NAV1: variants seen among roughly 807,000 people sequenced by gnomAD.
NAV1 encodes the protein neuron navigator 1.
In NAV1, 18 loss-of-function variants were observed where a neutral mutation model predicts 175.2. The observed-to-expected ratio is 0.10, with a 90% CI of 0.07 to 0.15. NAV1 has a LOEUF of 0.15. Ranked by LOEUF, NAV1 falls within the 10% of genes least tolerant of loss-of-function variation. The pLI, the probability that NAV1 is intolerant of heterozygous loss-of-function variation, is 1.00. For missense variants in NAV1, 1,731 were observed against 2,436.6 expected, an observed-to-expected ratio of 0.71 and a Z score of 6.10; for synonymous variants, 897 against 978.7, an observed-to-expected ratio of 0.92 and a Z score of 1.56.
At chr1:201,665,482 A>C (rs954274013) in intron 1 of NAV1, among the ~76,000 whole-genome samples, 17 of 152,046 alleles carry the variant, frequency 1.1e-4, no homozygotes, top group Non-Finnish European at 1.9e-4. Flanking sequence ...AGCCACAAGC[A>C]CTAGCTCATG....
chr1:201,581,853 C>T (rs1449424705), intron 1 of NAV1, among the ~76,000 whole-genome samples: 1 of 151,804 alleles, frequency 6.6e-6, no homozygotes, highest in Non-Finnish European at 1.5e-5. Context: ...TAATAAAGCT[C>T]CCTGATAAGG....
At chr1:201,632,522 A>G (rs1489089690) in intron 2 of NAV1, among the ~76,000 whole-genome samples, 11 of 152,260 alleles carry the variant, frequency 7.2e-5, no homozygotes, top group Non-Finnish European at 1.5e-5. Flanking sequence ...TGGACAGCCA[A>G]GAGAAGCCAA....
chr1:201,622,659 A>C (rs911693382), upstream of NAV1, among the ~76,000 whole-genome samples: 1 of 152,110 alleles, frequency 6.6e-6, no homozygotes, highest in Non-Finnish European at 1.5e-5. Context: ...AGCTTTTCAG[A>C]GCAGAGAGGG....
chr1:201,823,380 G>GTC (rs1679498428), exon 30 of NAV1: 1 of 152,622 alleles, frequency 6.6e-6, no homozygotes, highest in Admixed American at 6.5e-5. Context: ...GTGTGTGTGT[G>GTC]TGTGTGTGTG....
At chr1:201,804,193 A>G (rs1236710983) in intron 16 of NAV1, 10 of 525,328 alleles carry the variant, frequency 1.9e-5, no homozygotes, top group Admixed American at 6.9e-5. Flanking sequence ...TGGTAGGTCC[A>G]GAAGTCATTT....
chr1:201,755,921 A>T (rs1164828277), intron 3 of NAV1, among the ~76,000 whole-genome samples: 3 of 152,102 alleles, frequency 2.0e-5, no homozygotes, highest in Admixed American at 6.5e-5. Context: ...CCTGGCCAAC[A>T]TGGTGAAACC....
intron 1 of NAV1, among the ~76,000 whole-genome samples, chr1:201,579,362 T>A (rs1558005107): frequency 1.3e-5 from 2 of 152,228 alleles, no homozygotes; most frequent in Admixed American, 6.5e-5. Context: ...TCATCCACCC[T>A]TTTTTTATTT....
chr1:201,779,581 A>G (rs1306559744), intron 3 of NAV1, among the ~76,000 whole-genome samples: 4 of 139,634 alleles, frequency 2.9e-5, no homozygotes, highest in Admixed American at 7.7e-5. Flanking sequence ...CTGGGGCAAC[A>G]GAGCAGGACT....
intron 2 of NAV1, among the ~76,000 whole-genome samples, chr1:201,632,185 C>T (rs867129264): frequency 5.6e-4 from 85 of 152,326 alleles, no homozygotes; most frequent in African/African-American, 1.9e-3. Context: ...CTTTCTTAAT[C>T]TGCTTGGACT....
chr1:201,781,400 C>A, intron 5 of NAV1, 91 bp downstream of exon 9: 1 of 1,263,920 alleles, frequency 7.9e-7, no homozygotes. Context: ...AGGATGATAG[C>A]AAACATTTGC....
At chr1:201,648,586 T>G in exon 1 of NAV1, 3 of 1,062,852 alleles carry the variant, frequency 2.8e-6, no homozygotes, top group East Asian at 3.4e-5. Context: ...CTCCCCCGCC[T>G]CCTCCTCCTG....
chr1:201,570,664 C>G (rs939846137), intron 1 of NAV1, among the ~76,000 whole-genome samples: 2 of 152,230 alleles, frequency 1.3e-5, no homozygotes, highest in Non-Finnish European at 2.9e-5. Flanking sequence ...AGGGCTACGA[C>G]CAGGGCCAGG....
chr1:201,682,228 G>A (rs1190980227), intron 1 of NAV1, among the ~76,000 whole-genome samples: 1 of 152,004 alleles, frequency 6.6e-6, no homozygotes. Flanking sequence ...GGAGGTTGCA[G>A]TGAGCTGAGA....
At chr1:201,644,749 T>G (rs972961329), upstream of NAV1, among the ~76,000 whole-genome samples, 2 of 152,054 alleles carry the variant, frequency 1.3e-5, no homozygotes, top group African/African-American at 4.8e-5. Context: ...TTTTCTCTTC[T>G]CAAAAGAAGC....
intron 1 of NAV1, among the ~76,000 whole-genome samples, chr1:201,680,883 G>A (rs190878553): frequency 1.3e-5 from 2 of 152,222 alleles, no homozygotes; most frequent in South Asian, 2.1e-4. Context: ...AGCTGTGATC[G>A]CAACGCCACA....
At chr1:201,680,723 G>GT (rs1670433293) in intron 1 of NAV1, among the ~76,000 whole-genome samples, 1 of 148,132 alleles carries the variant, frequency 6.8e-6, no homozygotes, top group Admixed American at 7.3e-5. Flanking sequence ...ATATCACTAT[G>GT]TTTTTTATTT....
At chr1:201,632,037 G>A (rs1571854071) in intron 2 of NAV1, among the ~76,000 whole-genome samples, 2 of 152,212 alleles carry the variant, frequency 1.3e-5, no homozygotes, top group East Asian at 3.9e-4. Context: ...AGCTGAGAAA[G>A]ACCAACCAGT....
intron 2 of NAV1, among the ~76,000 whole-genome samples, chr1:201,592,694 A>G (rs1257364762): frequency 1.3e-5 from 2 of 151,974 alleles, no homozygotes; most frequent in Non-Finnish European, 2.9e-5. Flanking sequence ...AGTGGCAAGG[A>G]GGAGATAATC....
chr1:201,670,272 C>T (rs1883076), intron 1 of NAV1, among the ~76,000 whole-genome samples: 54 of 145,566 alleles, frequency 3.7e-4, no homozygotes, highest in South Asian at 6.7e-4. Context: ...CCCAGTAACT[C>T]GGAGAGGCTG....
Sources: gnomAD v4.1 joint callset for allele counts (sites outside exome capture counted in the v4.1 genomes callset) on GRCh38, gnomAD v4.1.1 for gene constraint, MANE v1.5 for transcripts, NCBI Gene and HGNC (gene_info 2026-07-23, HGNC 2026-07-21) for gene names.